Variants in ESRRG observed in about 807,000 individuals in gnomAD.
ESRRG encodes estrogen-related receptor gamma.
A neutral mutation model predicts 44.0 loss-of-function variants in ESRRG; 13 were observed. The ratio of observed to expected loss-of-function variants is 0.30; its 90% CI spans 0.19 to 0.47. ESRRG has a LOEUF of 0.47. ESRRG is among the 20% of genes least tolerant of loss of function. ESRRG has a pLI of 1.00. For synonymous variants in ESRRG, 215 were observed against 214.6 expected (o/e 1.00, Z -0.02); for missense variants, 395 against 580.6 (o/e 0.68, Z 3.29).
intron 1 of ESRRG, among the ~76,000 whole-genome samples, chr1:217,127,955 C>T (rs2092913221): frequency 6.6e-6 from 1 of 152,144 alleles, no homozygotes; most frequent in South Asian, 2.1e-4. Flanking sequence ...TGTTATTCTG[C>T]AGATAAGGAA....
intron 2 of ESRRG, among the ~76,000 whole-genome samples, chr1:216,887,708 G>T (rs1252196607): frequency 2.6e-5 from 4 of 152,152 alleles, no homozygotes; most frequent in Non-Finnish European, 2.9e-5. Context: ...CCTCTGAATG[G>T]CTTGTTTTCT....
intron 1 of ESRRG, among the ~76,000 whole-genome samples, chr1:217,065,673 G>T (rs1330969019): frequency 6.6e-6 from 1 of 152,176 alleles, no homozygotes; most frequent in Admixed American, 6.5e-5. Context: ...CTGAAGACCA[G>T]TTCAGTCCCA....
rs533089230 is a variant in ESRRG at position 216,992,093 on chromosome 1, A to G, written c.-105-52420T>C. ...AGTCTGGATTTTTCAGACCAAATGA[A>G]TTGGTTGGACCTACATAACCTCAAT... On this transcript the variant is annotated intron_variant, in intron 1 of 7. Coordinates refer to the ESRRG transcript ENST00000359162. 2.0e-5 allele frequency among the ~76,000 whole-genome samples: 3 copies of G among 152,286 alleles called. No homozygotes were observed. The Middle Eastern group carries it at 0.01, about 518-fold the overall frequency.
At chr1:216,717,526 T>A (rs1192606011) in intron 1 of ESRRG, among the ~76,000 whole-genome samples, 3 of 151,830 alleles carry the variant, frequency 2.0e-5, no homozygotes, top group South Asian at 2.1e-4. Context: ...AGAATTTTTT[T>A]AAAAACACAA....
chr1:216,730,119 T>TTA (rs2088419307), intron 2 of ESRRG, among the ~76,000 whole-genome samples: 1 of 151,968 alleles, frequency 6.6e-6, no homozygotes, highest in Non-Finnish European at 1.5e-5. Flanking sequence ...CAGTGCTTCG[T>TTA]TAGCAACAAG....
At chr1:217,056,742 C>T (rs183117923) in intron 1 of ESRRG, among the ~76,000 whole-genome samples, 134 of 150,564 alleles carry the variant, frequency 8.9e-4, no homozygotes, top group Non-Finnish European at 1.7e-3. Context: ...ACCCCAAATC[C>T]CTGACAACAT....
chr1:217,070,266 G>A (rs569521413), intron 1 of ESRRG, among the ~76,000 whole-genome samples: 1 of 152,096 alleles, frequency 6.6e-6, no homozygotes, highest in Admixed American at 6.5e-5. Flanking sequence ...AGAAGTAAAA[G>A]CTATTTTAAA....
chr1:217,065,350 A>G (rs566157674), intron 1 of ESRRG, among the ~76,000 whole-genome samples: 65 of 152,330 alleles, frequency 4.3e-4, no homozygotes, highest in African/African-American at 1.6e-3. Context: ...TCCCATAGAA[A>G]TCTCCACTGG....
intron 2 of ESRRG, among the ~76,000 whole-genome samples, chr1:216,774,601 C>T (rs1014659922): frequency 6.6e-6 from 1 of 152,016 alleles, no homozygotes; most frequent in African/African-American, 2.4e-5. Flanking sequence ...GTTTCAAAGC[C>T]ATTGTTCATA....
intron 1 of ESRRG, among the ~76,000 whole-genome samples, chr1:217,076,665 C>T (rs547790546): frequency 2.0e-5 from 3 of 152,144 alleles, no homozygotes; most frequent in East Asian, 1.9e-4. Context: ...ACTGAGTTTA[C>T]GAATTAATCT....
chr1:216,996,934 C>T (rs1000716061), intron 1 of ESRRG, among the ~76,000 whole-genome samples: 1 of 151,992 alleles, frequency 6.6e-6, no homozygotes, highest in South Asian at 2.1e-4. Context: ...ATTGCACAGG[C>T]TACATAATCT....
At chr1:216,661,333 C>T (rs2072344082) in intron 2 of ESRRG, among the ~76,000 whole-genome samples, 1 of 152,138 alleles carries the variant, frequency 6.6e-6, no homozygotes, top group African/African-American at 2.4e-5. Flanking sequence ...GCTGTGCTCT[C>T]TATCCAACAT....
chr1:216,862,100 A>T (rs1411461783), intron 2 of ESRRG: 3 of 152,210 alleles, frequency 2.0e-5, no homozygotes, highest in Non-Finnish European at 4.4e-5. Flanking sequence ...AAGTGATACT[A>T]CTTTGGAAGA....
intron 5 of ESRRG, among the ~76,000 whole-genome samples, chr1:216,550,086 G>T (rs939439721): frequency 6.6e-6 from 1 of 152,108 alleles, no homozygotes; most frequent in Non-Finnish European, 1.5e-5. Flanking sequence ...AAGCTTGTCT[G>T]TGAACTTTGC....
chr1:216,923,799 G>T (rs143887001), intron 2 of ESRRG, among the ~76,000 whole-genome samples: 1 of 152,254 alleles, frequency 6.6e-6, no homozygotes, highest in African/African-American at 2.4e-5. Flanking sequence ...TCACAATGAA[G>T]GGCCTCTTTA....
At chr1:217,111,081 A>G (rs2092656792) in intron 1 of ESRRG, among the ~76,000 whole-genome samples, 1 of 152,218 alleles carries the variant, frequency 6.6e-6, no homozygotes, top group African/African-American at 2.4e-5. Flanking sequence ...GGGTGCAGCC[A>G]TACAAGAAAA....
At chr1:216,588,779 G>T (rs1190514137) in intron 3 of ESRRG, among the ~76,000 whole-genome samples, 2 of 152,010 alleles carry the variant, frequency 1.3e-5, no homozygotes, top group Non-Finnish European at 2.9e-5. Context: ...TTAATAAGAA[G>T]AAATAGAAAA....
chr1:217,134,776 G>C (rs577577648), intron 1 of ESRRG, among the ~76,000 whole-genome samples: 10 of 152,312 alleles, frequency 6.6e-5, no homozygotes, highest in African/African-American at 2.4e-4. Context: ...CTGTGGTCCC[G>C]TCCCCTTGAC....
At chr1:217,075,498 G>A (rs2091161255) in intron 1 of ESRRG, among the ~76,000 whole-genome samples, 1 of 151,928 alleles carries the variant, frequency 6.6e-6, no homozygotes, top group Non-Finnish European at 1.5e-5. Context: ...GAATCAAGGT[G>A]AGGAAAAGTA....
Sources: allele counts gnomAD v4.1 joint callset (sites outside exome capture counted in the v4.1 genomes callset), GRCh38; gene constraint gnomAD v4.1.1; transcripts MANE v1.5; gene names NCBI Gene and HGNC (gene_info 2026-07-23, HGNC 2026-07-21).